HORMAD2: variants seen among roughly 807,000 people sequenced by gnomAD.
HORMAD2 encodes HORMA domain containing 2.
Under a neutral mutation model 38.8 loss-of-function variants are expected in HORMAD2, and 45 were observed. The observed-to-expected ratio is 1.16, with a 90% CI of 0.91 to 1.49. HORMAD2 has a LOEUF of 1.49. Ranked by LOEUF, HORMAD2 falls within the 40% of genes most tolerant of loss-of-function variation. HORMAD2 has a pLI of 0.00. For synonymous variants in HORMAD2, 126 were observed against 122.8 expected, an observed-to-expected ratio of 1.03 and a Z score of -0.17; for missense variants, 338 against 367.0, an observed-to-expected ratio of 0.92 and a Z score of 0.65.
At chr22:30,201,035 C>T in the HORMAD2 span, among the ~76,000 whole-genome samples, 1 of 152,164 alleles carries the variant, frequency 6.6e-6, no homozygotes, top group African/African-American at 2.4e-5. Context: ...TAGGCGTGAG[C>T]CACCACGCCC....
At chr22:30,155,257 GTAAT>G (rs1925000178) in intron 10 of HORMAD2, among the ~76,000 whole-genome samples, 1 of 152,008 alleles carries the variant, frequency 6.6e-6, no homozygotes, top group South Asian at 2.1e-4. Flanking sequence ...TTTCCCCTTT[GTAAT>G]TAATAAGTAG....
chr22:30,105,028 TTC>T (rs1921079729), intron 5 of HORMAD2: 3 of 153,452 alleles, frequency 2.0e-5, no homozygotes, highest in African/African-American at 4.8e-5. Context: ...TAAATGAAAT[TTC>T]TCTTTTTCTT....
At chr22:30,158,685 TTCTC>T (rs943949539) in intron 10 of HORMAD2, among the ~76,000 whole-genome samples, 4 of 145,648 alleles carry the variant, frequency 2.7e-5, no homozygotes, top group African/African-American at 7.6e-5. Flanking sequence ...CCTTCTCTCT[TTCTC>T]TTTCTTTCTT....
chr22:30,110,386 T>G (rs1421216923), intron 5 of HORMAD2, among the ~76,000 whole-genome samples: 1 of 143,420 alleles, frequency 7.0e-6, no homozygotes, highest in East Asian at 2.0e-4. Context: ...GCATATACTT[T>G]TTTTTTTTTT....
the HORMAD2 span, among the ~76,000 whole-genome samples, chr22:30,202,408 T>C: frequency 6.6e-6 from 1 of 151,866 alleles, no homozygotes; most frequent in African/African-American, 2.4e-5. Flanking sequence ...GATTTTTTTT[T>C]TTAATTTATC....
At chr22:30,127,915 T>C (rs149768389) in intron 10 of HORMAD2, among the ~76,000 whole-genome samples, 1 of 152,304 alleles carries the variant, frequency 6.6e-6, no homozygotes, top group Non-Finnish European at 1.5e-5. Flanking sequence ...TTTCCATGTG[T>C]TTTGCCTTTG....
chr22:30,206,958 C>A, the HORMAD2 span: 3 of 418,332 alleles, frequency 7.2e-6, no homozygotes, highest in South Asian at 3.5e-5. Context: ...AATTCCCCCA[C>A]CCGCCCCACT....
the HORMAD2 span, among the ~76,000 whole-genome samples, chr22:30,188,832 G>A: frequency 6.6e-6 from 1 of 152,012 alleles, no homozygotes; most frequent in South Asian, 2.1e-4. Context: ...GCTGCTGTTC[G>A]AAATTTTAAA....
rs1271441808 is a variant in HORMAD2 at position 30,120,897 on chromosome 22, T to C, written c.411-735T>C. ...GCAAATACTTTGAGTGAGAGGAAAC[T>C]GGGCAATAGCTGCAGATGAGGATGG... On this transcript the variant is annotated intron_variant, in intron 8 of 10. Coordinates refer to ENST00000336726, the MANE Select transcript of HORMAD2 (RefSeq NM_152510.4). Among the ~76,000 whole-genome samples, 4 of 152,152 alleles carry C rather than the reference T, an allele frequency of 2.6e-5. No individual in the cohort carries two copies. In the East Asian group the frequency reaches 7.7e-4, roughly 29 times the overall value.
upstream of HORMAD2, among the ~76,000 whole-genome samples, chr22:30,079,079 C>T (rs2068425424): frequency 6.6e-6 from 1 of 152,146 alleles, no homozygotes; most frequent in African/African-American, 2.4e-5. Flanking sequence ...CAGTTTTAGT[C>T]ATTATGTTCT....
chr22:30,165,421 G>A (rs991236052), intron 10 of HORMAD2, among the ~76,000 whole-genome samples: 6 of 152,026 alleles, frequency 3.9e-5, no homozygotes, highest in African/African-American at 1.4e-4. Flanking sequence ...TTTTAGAATG[G>A]GTTTTTCTAT....
At chr22:30,126,765 A>G (rs1178182550) in intron 10 of HORMAD2, among the ~76,000 whole-genome samples, 2 of 152,190 alleles carry the variant, frequency 1.3e-5, no homozygotes, top group Non-Finnish European at 1.5e-5. Context: ...AGTGCAAAAT[A>G]GTTTCCAAAG....
chr22:30,129,255 A>G (rs1420835076), intron 10 of HORMAD2, among the ~76,000 whole-genome samples: 36 of 48,374 alleles, frequency 7.4e-4, no homozygotes, highest in African/African-American at 1.6e-3. Context: ...AAAAAAAAAA[A>G]AGAGAGAGAG....
intron 3 of HORMAD2, among the ~76,000 whole-genome samples, chr22:30,100,190 C>T (rs1920933126): frequency 6.6e-6 from 1 of 152,152 alleles, no homozygotes; most frequent in African/African-American, 2.4e-5. Flanking sequence ...AATTATGCTA[C>T]AAGGCTACAG....
At chr22:30,081,384 G>A (rs774739950) in intron 1 of HORMAD2, 3 of 152,106 alleles carry the variant, frequency 2.0e-5, no homozygotes, top group Non-Finnish European at 4.4e-5. Flanking sequence ...AGTCAAAAGA[G>A]CATGAACAAA....
the HORMAD2 span, among the ~76,000 whole-genome samples, chr22:30,184,306 C>T: frequency 6.6e-6 from 1 of 152,118 alleles, no homozygotes; most frequent in African/African-American, 2.4e-5. Flanking sequence ...AGAAGGAAAC[C>T]ATTGAACTAA....
chr22:30,183,234 G>A, the HORMAD2 span, among the ~76,000 whole-genome samples: 2 of 152,244 alleles, frequency 1.3e-5, no homozygotes, highest in Non-Finnish European at 2.9e-5. Flanking sequence ...GCCTGGACTA[G>A]TATATTAAAT....
intron 4 of HORMAD2, 149 bp downstream of exon 4, chr22:30,103,649 ATTTTTTTTTT>A (rs71198524): frequency 9.0e-4 from 68 of 75,296 alleles, no homozygotes; most frequent in Middle Eastern, 7.6e-3. Context: ...TCTGTTTTTG[ATTTTTTTTTT>A]TTTTTTTTTT....
At chr22:30,165,169 G>A (rs977986185) in intron 10 of HORMAD2, among the ~76,000 whole-genome samples, 3 of 152,026 alleles carry the variant, frequency 2.0e-5, no homozygotes, top group East Asian at 1.9e-4. Flanking sequence ...TCTTAACAGC[G>A]TTTGTTGAAA....
Sources: gnomAD v4.1 joint callset for allele counts (sites outside exome capture counted in the v4.1 genomes callset) on GRCh38, gnomAD v4.1.1 for gene constraint, MANE v1.5 for transcripts, NCBI Gene and HGNC (gene_info 2026-07-23, HGNC 2026-07-21) for gene names.